The following EYA2 variants were observed in gnomAD, a reference collection of about 807,000 sequenced individuals.
EYA2 encodes EYA transcriptional coactivator and phosphatase 2.
EYA2 carries 31 observed loss-of-function variants against 69.2 expected under a neutral mutation model. The observed-to-expected ratio is 0.45, with a 90% CI of 0.34 to 0.60. The LOEUF is 0.60. EYA2 is among the 20% of genes least tolerant of loss of function. The pLI is 0.02. For missense variants in EYA2, 622 were observed against 701.2 expected (o/e 0.89, Z 1.28); for synonymous variants, 257 against 279.4 (o/e 0.92, Z 0.80).
rs765156601 is a variant in EYA2 at position 47,128,558 on chromosome 20, C to A, written c.889-14501C>A. Among the ~76,000 whole-genome samples, 73 of 151,990 alleles carry A rather than the reference C, an allele frequency of 4.8e-4. 2 individuals are homozygous for A. The highest frequency in any genetic ancestry group is 2.1e-4 in the South Asian group (1 of 4,816). ...AAAAAAAAAATCTGGTGGTTATCTG[C>A]CCTAAGCTTTTTTTTCCTAATAAAT... On this transcript the variant is annotated intron_variant, in intron 9 of 15. Coordinates refer to ENST00000327619, the MANE Select transcript of EYA2 (RefSeq NM_005244.5).
intron 1 of EYA2, among the ~76,000 whole-genome samples, chr20:46,911,409 T>G (rs934921085): frequency 6.6e-6 from 1 of 152,206 alleles, no homozygotes; most frequent in African/African-American, 2.4e-5. Context: ...TTCTTCTGCA[T>G]GGCACCCGGG....
intron 5 of EYA2, among the ~76,000 whole-genome samples, chr20:47,057,088 G>A (rs901108616): frequency 1.9e-5 from 2 of 105,800 alleles, no homozygotes; most frequent in African/African-American, 7.2e-5. Context: ...AGGGAGGAAG[G>A]AAGAAAGGAA....
chr20:47,048,697 A>G (rs4809618), intron 5 of EYA2, among the ~76,000 whole-genome samples: 21,191 of 152,270 alleles, frequency 0.14, 1,521 homozygotes, highest in South Asian at 0.21. Flanking sequence ...AGATCACGCC[A>G]TTGCATGCCA....
At chr20:47,130,681 G>A (rs563743358) in intron 9 of EYA2, among the ~76,000 whole-genome samples, 2 of 152,314 alleles carry the variant, frequency 1.3e-5, no homozygotes, top group Non-Finnish European at 2.9e-5. Flanking sequence ...TTAAAAGGTT[G>A]CATTTCAGAG....
chr20:47,024,061 T>A (rs1187944071), intron 5 of EYA2, among the ~76,000 whole-genome samples: 1 of 152,240 alleles, frequency 6.6e-6, no homozygotes, highest in African/African-American at 2.4e-5. Flanking sequence ...ATCATTCCTG[T>A]CATTTCTGGG....
At chr20:47,131,126 C>G (rs967526123) in intron 9 of EYA2, among the ~76,000 whole-genome samples, 3 of 152,164 alleles carry the variant, frequency 2.0e-5, no homozygotes, top group African/African-American at 7.2e-5. Context: ...ATGTTTACTT[C>G]TATAAAGGAG....
At chr20:47,080,459 G>A (rs1187190623) in intron 7 of EYA2, among the ~76,000 whole-genome samples, 8 of 117,366 alleles carry the variant, frequency 6.8e-5, no homozygotes, top group Admixed American at 6.8e-4. Context: ...GGAGGGAAAT[G>A]AGGGAGGGAG....
At chr20:46,925,106 C>T (rs1985358271) in intron 1 of EYA2, among the ~76,000 whole-genome samples, 1 of 152,200 alleles carries the variant, frequency 6.6e-6, no homozygotes, top group African/African-American at 2.4e-5. Flanking sequence ...GGCCTTGTCC[C>T]TGTATGTCTT....
chr20:47,133,221 C>T (rs1392632420), intron 9 of EYA2, among the ~76,000 whole-genome samples: 1 of 152,094 alleles, frequency 6.6e-6, no homozygotes, highest in Non-Finnish European at 1.5e-5. Flanking sequence ...CTGCCGGCAT[C>T]CTTGAGCCTA....
chr20:47,054,665 A>G (rs2030514050), intron 5 of EYA2, among the ~76,000 whole-genome samples: 2 of 152,276 alleles, frequency 1.3e-5, no homozygotes, highest in African/African-American at 4.8e-5. Flanking sequence ...ACCCCAGGAC[A>G]TCCCATACAG....
intron 9 of EYA2, among the ~76,000 whole-genome samples, chr20:47,118,395 G>A (rs2032962041): frequency 6.6e-6 from 1 of 151,956 alleles, no homozygotes; most frequent in African/African-American, 2.4e-5. Context: ...GTCCCATCCT[G>A]TAAGGAGTGA....
chr20:47,050,196 C>T (rs2030258900), intron 5 of EYA2, among the ~76,000 whole-genome samples: 1 of 152,194 alleles, frequency 6.6e-6, no homozygotes, highest in Non-Finnish European at 1.5e-5. Context: ...CTCAGGTATG[C>T]CTGCCGGAGA....
Position 47,023,636 on chromosome 20 carries a change from T to TG in EYA2, c.415+7339_415+7340insG, listed in dbSNP as rs978635833. 3.1e-4 allele frequency among the ~76,000 whole-genome samples: 30 copies of TG among 96,794 alleles called. 1 individual carries two copies. The highest frequency in any genetic ancestry group is 4.9e-4 in the Non-Finnish European group (19 of 38,682). 63.5% of individuals were successfully genotyped at this position (96,794 alleles called of 152,430 possible). A position where few individuals can be genotyped will look rare whatever the true frequency, so the allele number is the denominator to read the frequency against. The stretch of plus-strand genomic sequence containing the variant: ...TCCAGAAGTTTGATTTTGGGTGTTT[T>TG]TTTTTTTTTTTTTTTTTTGAAGACA... On this transcript the variant is annotated intron_variant, in intron 5 of 15. Transcript: ENST00000327619.
At chr20:47,092,960 T>C (rs1044474765) in intron 8 of EYA2, among the ~76,000 whole-genome samples, 4 of 152,118 alleles carry the variant, frequency 2.6e-5, no homozygotes, top group African/African-American at 9.7e-5. Context: ...TTGAGCTACT[T>C]AGGTGAAAAA....
At chr20:47,187,574 G>A (rs2034670777) in intron 15 of EYA2, among the ~76,000 whole-genome samples, 2 of 152,154 alleles carry the variant, frequency 1.3e-5, no homozygotes, top group African/African-American at 2.4e-5. Context: ...CCAGCACCGA[G>A]CTGTGACTTT....
chr20:47,137,492 G>A (rs903350444), intron 9 of EYA2, among the ~76,000 whole-genome samples: 4 of 152,152 alleles, frequency 2.6e-5, no homozygotes, highest in Admixed American at 2.6e-4. Context: ...GGGGTCAGTG[G>A]CCCGAAAGAG....
intron 1 of EYA2, among the ~76,000 whole-genome samples, chr20:46,953,558 G>T (rs1304543007): frequency 2.6e-5 from 4 of 152,216 alleles, no homozygotes; most frequent in African/African-American, 9.6e-5. Context: ...GGTATGGACA[G>T]ATGTACGGAC....
intron 9 of EYA2, among the ~76,000 whole-genome samples, chr20:47,142,592 G>A (rs6090631): frequency 0.16 from 24,916 of 152,192 alleles, 2,055 homozygotes; most frequent in African/African-American, 0.2. Flanking sequence ...AGAGGAGGGA[G>A]TAAGGCAGTG....
At chr20:47,075,686 A>G (rs2031489755) in intron 7 of EYA2, among the ~76,000 whole-genome samples, 1 of 152,076 alleles carries the variant, frequency 6.6e-6, no homozygotes, top group Non-Finnish European at 1.5e-5. Flanking sequence ...ATCCTTAAGC[A>G]TGTTCATTTT....
Sources: allele counts gnomAD v4.1 joint callset (sites outside exome capture counted in the v4.1 genomes callset), GRCh38; gene constraint gnomAD v4.1.1; transcripts MANE v1.5; gene names NCBI Gene and HGNC (gene_info 2026-07-23, HGNC 2026-07-21).